NXPE4: variants seen among roughly 807,000 people sequenced by gnomAD.
The protein encoded by NXPE4 is neurexophilin and PC-esterase domain family member 4.
Under a neutral mutation model 33.3 loss-of-function variants are expected in NXPE4, and 42 were observed. That is an observed-to-expected ratio of 1.26 (90% confidence interval 0.98 to 1.63). The LOEUF (loss-of-function observed/expected upper bound fraction) is 1.63, where lower values mean the gene tolerates loss of function less well. Ranked by LOEUF, NXPE4 falls within the 40% of genes most tolerant of loss-of-function variation. The probability of loss-of-function intolerance (pLI) is 0.00; values close to 1 mark genes in which losing one functional copy is unlikely to be tolerated. For synonymous variants in NXPE4, 253 were observed against 234.9 expected (o/e 1.08, Z -0.71); for missense variants, 709 against 647.6 (o/e 1.09, Z -1.03).
the NXPE4 span, among the ~76,000 whole-genome samples, chr11:114,608,465 G>A: frequency 6.6e-6 from 1 of 151,860 alleles, no homozygotes; most frequent in Non-Finnish European, 1.5e-5. Flanking sequence ...AGGATAGTAA[G>A]TATTGCCTTG....
intron 2 of NXPE4, among the ~76,000 whole-genome samples, chr11:114,588,978 C>A (rs1698549468): frequency 6.6e-6 from 1 of 151,998 alleles, no homozygotes; most frequent in Admixed American, 6.6e-5. Context: ...ATAGTAGGGA[C>A]CAGGAGGAGA....
the NXPE4 span, among the ~76,000 whole-genome samples, chr11:114,607,743 C>A: frequency 6.6e-6 from 1 of 151,706 alleles, no homozygotes; most frequent in Non-Finnish European, 1.5e-5. Flanking sequence ...CACAGTTGCC[C>A]GGTGGATAAT....
the NXPE4 span, among the ~76,000 whole-genome samples, chr11:114,615,914 C>T: frequency 2.0e-5 from 3 of 150,948 alleles, no homozygotes; most frequent in South Asian, 2.1e-4. Flanking sequence ...ACCACTGTTA[C>T]CTGGTGGATA....
At chr11:114,632,437 T>A in the NXPE4 span, among the ~76,000 whole-genome samples, 1 of 130,648 alleles carries the variant, frequency 7.7e-6, no homozygotes, top group Non-Finnish European at 1.6e-5. Context: ...TATAAATATA[T>A]AATATATAAT....
intron 5 of NXPE4, among the ~76,000 whole-genome samples, chr11:114,574,915 CT>C (rs1283902582): frequency 6.6e-6 from 1 of 151,958 alleles, no homozygotes; most frequent in African/African-American, 2.4e-5. Flanking sequence ...AGTAACATCC[CT>C]TATGAACATA....
intron 2 of NXPE4, among the ~76,000 whole-genome samples, chr11:114,589,146 C>A (rs1209060757): frequency 6.6e-6 from 1 of 152,088 alleles, no homozygotes; most frequent in Non-Finnish European, 1.5e-5. Flanking sequence ...CAAGAAGAAG[C>A]CACCTCGACC....
chr11:114,651,071 G>A, the NXPE4 span, among the ~76,000 whole-genome samples: 1 of 151,002 alleles, frequency 6.6e-6, no homozygotes, highest in African/African-American at 2.4e-5. Context: ...CTAGCATAAT[G>A]TATAATAATA....
the NXPE4 span, among the ~76,000 whole-genome samples, chr11:114,667,474 G>A: frequency 1.3e-5 from 2 of 151,254 alleles, no homozygotes; most frequent in Admixed American, 6.6e-5. Context: ...CACCCTCAAA[G>A]AAGTGGAACC....
At chr11:114,596,116 C>T (rs951266352), upstream of NXPE4, among the ~76,000 whole-genome samples, 3 of 152,180 alleles carry the variant, frequency 2.0e-5, no homozygotes, top group African/African-American at 7.2e-5. Flanking sequence ...GCGTTATCAT[C>T]AAGACCCAGT....
chr11:114,617,211 C>T, the NXPE4 span, among the ~76,000 whole-genome samples: 17 of 151,988 alleles, frequency 1.1e-4, no homozygotes, highest in Admixed American at 3.3e-4. Flanking sequence ...ACCACTGTTA[C>T]GCATTGGATA....
the NXPE4 span, among the ~76,000 whole-genome samples, chr11:114,657,433 G>C: frequency 6.6e-6 from 1 of 152,066 alleles, no homozygotes; most frequent in Non-Finnish European, 1.5e-5. Flanking sequence ...CAGTATTAGT[G>C]ATATCCAAGA....
At chr11:114,653,242 G>C in the NXPE4 span, among the ~76,000 whole-genome samples, 1 of 152,128 alleles carries the variant, frequency 6.6e-6, no homozygotes, top group African/African-American at 2.4e-5. Context: ...AGGTGCAAAA[G>C]GCAATGTAAG....
At chr11:114,628,996 C>A in the NXPE4 span, among the ~76,000 whole-genome samples, 168 of 152,104 alleles carry the variant, frequency 1.1e-3, 1 homozygote, top group African/African-American at 4.0e-3. Flanking sequence ...TCTGAATAGA[C>A]CAATAACAGG....
the NXPE4 span, among the ~76,000 whole-genome samples, chr11:114,633,411 T>G: frequency 6.9e-6 from 1 of 145,756 alleles, no homozygotes; most frequent in African/African-American, 2.5e-5. Flanking sequence ...TATATTTTAT[T>G]ATATGTTATA....
At chr11:114,642,183 G>A in the NXPE4 span, among the ~76,000 whole-genome samples, 19 of 151,952 alleles carry the variant, frequency 1.3e-4, no homozygotes, top group African/African-American at 4.6e-4. Flanking sequence ...ATGATGTGAT[G>A]AAAATGGCAT....
At chr11:114,615,278 C>G in the NXPE4 span, among the ~76,000 whole-genome samples, 31 of 152,054 alleles carry the variant, frequency 2.0e-4, no homozygotes, top group Non-Finnish European at 5.9e-5. Context: ...TTGTGGGTAT[C>G]CACTGTTACC....
chr11:114,583,044 A>C, intron 2 of NXPE4, 23 bp from the exon 3 acceptor site: 1 of 1,584,254 alleles, frequency 6.3e-7, no homozygotes, highest in Non-Finnish European at 8.6e-7. Context: ...CAAATGTGAC[A>C]TGAGATGGAT....
chr11:114,599,468 G>A (rs569316875), upstream of NXPE4, among the ~76,000 whole-genome samples: 7 of 152,038 alleles, frequency 4.6e-5, no homozygotes, highest in Non-Finnish European at 8.8e-5. Flanking sequence ...TATATTTATG[G>A]CAGTGTTCCA....
At chr11:114,650,015 TTC>T in the NXPE4 span, among the ~76,000 whole-genome samples, 1 of 152,214 alleles carries the variant, frequency 6.6e-6, no homozygotes. Context: ...CAATAAAGAT[TTC>T]TGTTTCTACA....
Sources: allele counts gnomAD v4.1 joint callset (sites outside exome capture counted in the v4.1 genomes callset), GRCh38; gene constraint gnomAD v4.1.1; transcripts MANE v1.5; gene names NCBI Gene and HGNC (gene_info 2026-07-23, HGNC 2026-07-21).